The following NID2 variants were observed in gnomAD, a reference collection of about 807,000 sequenced individuals.
The protein encoded by NID2 is nidogen 2.
Under a neutral mutation model 145.4 loss-of-function variants are expected in NID2, and 83 were observed. That is an observed-to-expected ratio of 0.57 (90% CI 0.48 to 0.69). The LOEUF (loss-of-function observed/expected upper bound fraction) is 0.69. Ranked by LOEUF, NID2 falls within the 30% of genes least tolerant of loss-of-function variation. NID2 has a pLI of 0.00. For missense variants in NID2, 1,807 were observed against 1,765.7 expected (o/e 1.02, Z -0.42); for synonymous variants, 739 against 701.3 (o/e 1.05, Z -0.85).
intron 2 of NID2, among the ~76,000 whole-genome samples, chr14:52,060,614 C>T (rs1024187334): frequency 1.3e-4 from 20 of 152,092 alleles, no homozygotes; most frequent in Non-Finnish European, 2.4e-4. Context: ...AGTTGAAATA[C>T]GCATTGGTAA....
intron 11 of NID2, 175 bp downstream of exon 11, chr14:52,028,547 T>A: frequency 1.6e-6 from 1 of 639,870 alleles, no homozygotes; most frequent in South Asian, 2.5e-5. Flanking sequence ...AAGCGATGAT[T>A]ACAGGCGTGA....
chr14:52,032,403 T>C (rs922010923), intron 9 of NID2, among the ~76,000 whole-genome samples: 17 of 152,220 alleles, frequency 1.1e-4, no homozygotes, highest in Non-Finnish European at 2.4e-4. Flanking sequence ...GCAGACATCC[T>C]TGGAGGTCCG....
intron 18 of NID2, chr14:52,009,727 GGC>G (rs1266477923): frequency 6.6e-6 from 1 of 152,270 alleles, no homozygotes; most frequent in Non-Finnish European, 1.5e-5. Flanking sequence ...CGGGCGCAGT[GGC>G]TCATACCTAT....
chr14:52,068,124 T>TG lies in NID2; in HGVS notation c.267dup (p.Arg90GlnfsTer9). On this transcript the variant is annotated frameshift_variant, in exon 2 of 22. Coordinates refer to ENST00000216286, the MANE Select transcript of NID2 (RefSeq NM_007361.4). LOFTEE classifies it high-confidence loss of function. ...TCATAGTCCACATACTGCGTTTCCC[T>TG]GGGGAAGTCCTGAGTGGAGATGATG... is the stretch of plus-strand genomic sequence containing the variant. 1.2e-6 allele frequency: 2 copies of TG among 1,613,270 alleles called. No homozygotes were observed. The highest frequency in any genetic ancestry group is 1.7e-6 in the Non-Finnish European group (2 of 1,179,870).
chr14:52,026,605 T>G (rs1474301342), intron 12 of NID2, among the ~76,000 whole-genome samples: 1 of 152,226 alleles, frequency 6.6e-6, no homozygotes, highest in Non-Finnish European at 1.5e-5. Flanking sequence ...ACTCAGAGAG[T>G]TATGTCGAGC....
chr14:52,005,556 C>G (rs569888830), intron 21 of NID2, 60 bp from the exon 22 acceptor site: 1 of 1,563,126 alleles, frequency 6.4e-7, no homozygotes, highest in East Asian at 2.2e-5. Context: ...AACCAAGTTG[C>G]AACAGCAAGT....
intron 3 of NID2, among the ~76,000 whole-genome samples, chr14:52,056,801 A>G (rs1892861216): frequency 6.6e-6 from 1 of 152,176 alleles, no homozygotes; most frequent in Non-Finnish European, 1.5e-5. Flanking sequence ...CAAAAAAATA[A>G]ATAAATAAAA....
intron 5 of NID2, among the ~76,000 whole-genome samples, chr14:52,044,848 T>C (rs912178304): frequency 6.6e-6 from 1 of 152,024 alleles, no homozygotes; most frequent in Non-Finnish European, 1.5e-5. Flanking sequence ...GGTCTCGAAC[T>C]CCTGGGCTCA....
chr14:52,031,905 A>G (rs949400605), intron 9 of NID2, among the ~76,000 whole-genome samples: 5 of 152,220 alleles, frequency 3.3e-5, no homozygotes, highest in Non-Finnish European at 5.9e-5. Flanking sequence ...TATACTCTCA[A>G]GTTAACTTGG....
chr14:52,038,822 G>A lies in NID2; in HGVS notation c.2182C>T (p.Arg728Trp), dbSNP rs374097559. Reference protein sequence around the residue: ...FPTTQQLNVDRVFALYNDEER... With the variant: ...FPTTQQLNVDWVFALYNDEER... Reference sequence around the variant, plus strand: ...TCGTCATTATACAAGGCAAAGACCCGGTCCACGTTCAGCTGCTGGGTGGTG... The same window carrying A: ...TCGTCATTATACAAGGCAAAGACCCAGTCCACGTTCAGCTGCTGGGTGGTG... The change falls in exon 9 of 22, where the codon CGG becomes TGG. Residue 728 changes from arginine (R) to tryptophan (W), a missense_variant. Coordinates refer to ENST00000216286, the MANE Select transcript of NID2 (RefSeq NM_007361.4). 5.8e-5 allele frequency: 94 copies of A among 1,613,606 alleles called. No individual in the cohort carries two copies. Among genetic ancestry groups the A allele is most frequent in the Non-Finnish European group, 7.1e-5 (84 of 1,179,912 alleles).
At chr14:52,033,711 G>A (rs1443389327) in intron 9 of NID2, among the ~76,000 whole-genome samples, 1 of 152,128 alleles carries the variant, frequency 6.6e-6, no homozygotes, top group African/African-American at 2.4e-5. Context: ...TTTCTTTTTT[G>A]TTTTTCTTTT....
intron 19 of NID2, chr14:52,007,133 T>TA (rs1299740428): frequency 6.5e-6 from 1 of 155,012 alleles, no homozygotes; most frequent in Non-Finnish European, 1.4e-5. Context: ...GAATCAGTCT[T>TA]AAAAATTTTT....
At chr14:52,032,078 G>A (rs760303023) in intron 9 of NID2, among the ~76,000 whole-genome samples, 5 of 152,184 alleles carry the variant, frequency 3.3e-5, no homozygotes, top group Non-Finnish European at 4.4e-5. Context: ...CCCACGTTAT[G>A]GCTCTTCCAG....
At chr14:52,028,513 C>A (rs11844758) in intron 11 of NID2, 70,527 of 421,534 alleles carry the variant, frequency 0.17, 8,082 homozygotes, top group East Asian at 0.48. Context: ...TGAACTCAAG[C>A]GATCCACCTG....
chr14:52,005,645 C>T, intron 21 of NID2, 92 bp downstream of exon 21: 1 of 1,349,230 alleles, frequency 7.4e-7, no homozygotes, highest in Non-Finnish European at 1.1e-6. Flanking sequence ...GCAATGGTGG[C>T]AGTGTCACAG....
chr14:52,027,424 G>A, intron 11 of NID2, 80 bp from the exon 12 acceptor site: 1 of 1,263,972 alleles, frequency 7.9e-7, no homozygotes, highest in Non-Finnish European at 1.0e-6. Flanking sequence ...ATGATCCACA[G>A]ACCAACAGCA....
At chr14:52,017,378 C>T (rs1365227069) in intron 14 of NID2, among the ~76,000 whole-genome samples, 1 of 152,142 alleles carries the variant, frequency 6.6e-6, no homozygotes, top group Admixed American at 6.5e-5. Context: ...CTTACCCTCC[C>T]TCAAGCTGAC....
chr14:52,051,796 C>T (rs1055573858), intron 5 of NID2, among the ~76,000 whole-genome samples: 3 of 152,204 alleles, frequency 2.0e-5, no homozygotes, highest in Non-Finnish European at 2.9e-5. Flanking sequence ...AGCTTTTTCA[C>T]AGGCGTTTTT....
intron 9 of NID2, among the ~76,000 whole-genome samples, chr14:52,030,677 G>A (rs1041347288): frequency 6.6e-6 from 1 of 151,528 alleles, no homozygotes; most frequent in Non-Finnish European, 1.5e-5. Flanking sequence ...AGAAAAGAAA[G>A]AAAAGGAAAA....
Sources: allele counts gnomAD v4.1 joint callset (sites outside exome capture counted in the v4.1 genomes callset), GRCh38; gene constraint gnomAD v4.1.1; transcripts MANE v1.5; gene names NCBI Gene and HGNC (gene_info 2026-07-23, HGNC 2026-07-21).